CNTN1: variants seen among roughly 807,000 people sequenced by gnomAD.
The protein encoded by CNTN1 is contactin 1.
In CNTN1, 38 loss-of-function variants were observed where a neutral mutation model predicts 126.4. The observed-to-expected ratio is 0.30, with a 90% confidence interval of 0.23 to 0.39. The LOEUF (loss-of-function observed/expected upper bound fraction) is 0.39, where lower values mean the gene tolerates loss of function less well. CNTN1 is among the 10% of genes least tolerant of loss of function. CNTN1 has a pLI of 1.00. For synonymous variants in CNTN1, 413 were observed against 422.6 expected, an observed-to-expected ratio of 0.98 and a Z score of 0.28; for missense variants, 1,009 against 1,248.4, an observed-to-expected ratio of 0.81 and a Z score of 2.89.
intron 16 of CNTN1, among the ~76,000 whole-genome samples, chr12:40,987,747 AAATTAAATTGT>A (rs1351203471): frequency 6.6e-6 from 1 of 152,184 alleles, no homozygotes; most frequent in African/African-American, 2.4e-5. Context: ...AGATATTTGT[AAATTAAATTGT>A]TGAGTGTAAA....
chr12:41,062,888 T>C (rs1420061083), intron 23 of CNTN1, among the ~76,000 whole-genome samples: 2 of 152,174 alleles, frequency 1.3e-5, no homozygotes, highest in Non-Finnish European at 2.9e-5. Context: ...AGCAATCCAA[T>C]GGAGAAACAA....
intron 1 of CNTN1, among the ~76,000 whole-genome samples, chr12:40,693,085 G>A (rs890257877): frequency 2.6e-5 from 4 of 152,196 alleles, no homozygotes; most frequent in African/African-American, 9.7e-5. Flanking sequence ...TGCGGAGAGG[G>A]GAGGAAGCGA....
chr12:40,751,896 T>C (rs142351448), intron 1 of CNTN1, among the ~76,000 whole-genome samples: 78 of 152,234 alleles, frequency 5.1e-4, no homozygotes, highest in Middle Eastern at 3.4e-3. Context: ...AAGAAGGTGC[T>C]AATTGACAAA....
intron 23 of CNTN1, among the ~76,000 whole-genome samples, chr12:41,057,670 A>C (rs1426383662): frequency 6.6e-6 from 1 of 152,066 alleles, no homozygotes; most frequent in Non-Finnish European, 1.5e-5. Context: ...AAAGGTAGAG[A>C]GGTATGATTG....
rs570123889 is a variant in CNTN1 at position 41,070,582 on chromosome 12, G to A, written c.*547G>A. On this transcript the variant is annotated 3_prime_UTR_variant, in exon 24 of 24. Transcript: ENST00000551295. ...GACAATAGAGTGTAACAAATATTTT[G>A]TCAGAAATCCCATTATCAAATCATG... is the stretch of plus-strand genomic sequence containing the variant. 1 of 152,368 alleles carries A rather than the reference G, an allele frequency of 6.6e-6. No homozygotes were observed. Among genetic ancestry groups the A allele is most frequent in the African/African-American group, 2.4e-5 (1 of 41,398 alleles). 9.4% of individuals were successfully genotyped at this position (152,368 alleles called of 1,614,324 possible).
intron 1 of CNTN1, among the ~76,000 whole-genome samples, chr12:40,833,521 A>G (rs925575566): frequency 6.6e-6 from 1 of 152,190 alleles, no homozygotes; most frequent in African/African-American, 2.4e-5. Context: ...TAACATAAAT[A>G]GAAATATTAT....
intron 1 of CNTN1, chr12:40,742,213 T>C (rs1425865621): frequency 6.6e-6 from 1 of 152,038 alleles, no homozygotes; most frequent in Admixed American, 6.6e-5. Context: ...AAAAAGAACT[T>C]CAGGAAAGTT....
chr12:40,939,423 A>T lies in CNTN1; in HGVS notation c.1317A>T (p.Lys439Asn). Residue 439 changes from lysine (K) to asparagine (N), a missense_variant, in exon 12 of 24, where the codon AAA becomes AAT. Lys to Asn is a moderately conservative substitution (Grantham distance 94). Transcript: ENST00000551295. The stretch of plus-strand genomic sequence containing the variant: ...GGGTGATAATTGAATGCAAACCTAA[A>T]GCTGCACCGAAACCAAAGTTTTCAT... ...GGRVIIECKP[K>N]AAPKPKFSWS... 1 of 1,613,954 alleles carries T rather than the reference A, an allele frequency of 6.2e-7. No homozygotes were observed. Among genetic ancestry groups the T allele is most frequent in the Non-Finnish European group, 8.5e-7 (1 of 1,179,942 alleles).
rs895399381 is a variant in CNTN1, at chr12:40,692,469, C to T, written c.-200C>T. On this transcript the variant is annotated 5_prime_UTR_variant, in exon 1 of 24. Transcript: ENST00000551295. ...TCTGCTGTCAAGTAGCCAGGGTGGG[C>T]TCCGCCGAGGCGAGGAGGGGCGCCG... 14 of 152,636 alleles carry T rather than the reference C, an allele frequency of 9.2e-5. No homozygotes were observed. The highest frequency in any genetic ancestry group is 7.3e-5 in the Non-Finnish European group (5 of 68,384). The allele number at this position is 152,636 out of a possible 1,614,324, so 9.5% of individuals were successfully genotyped here.
At chr12:41,055,248 T>A (rs1031022624) in intron 23 of CNTN1, among the ~76,000 whole-genome samples, 2 of 152,114 alleles carry the variant, frequency 1.3e-5, no homozygotes, top group Non-Finnish European at 2.9e-5. Flanking sequence ...TTATAAGCAG[T>A]GGCTTAGAAT....
intron 1 of CNTN1, among the ~76,000 whole-genome samples, chr12:40,725,923 A>G (rs904897781): frequency 6.6e-6 from 1 of 152,056 alleles, no homozygotes; most frequent in African/African-American, 2.4e-5. Context: ...AAAAAAAAAA[A>G]CAGCAAACAA....
chr12:40,718,930 T>C (rs1213500490), intron 1 of CNTN1, among the ~76,000 whole-genome samples: 1 of 152,166 alleles, frequency 6.6e-6, no homozygotes, highest in Non-Finnish European at 1.5e-5. Context: ...TAGAGAACAT[T>C]TTCCAAAGAT....
chr12:40,917,413 A>G (rs1945284756), intron 3 of CNTN1, among the ~76,000 whole-genome samples: 1 of 152,128 alleles, frequency 6.6e-6, no homozygotes, highest in African/African-American at 2.4e-5. Flanking sequence ...AAAGAGTGAT[A>G]TTGAGCTTTG....
chr12:40,894,271 C>G (rs1425155949), intron 1 of CNTN1, among the ~76,000 whole-genome samples: 1 of 152,130 alleles, frequency 6.6e-6, no homozygotes, highest in Non-Finnish European at 1.5e-5. Context: ...ACTGGCACTT[C>G]ACTGCATTGA....
chr12:40,841,224 G>A (rs547687765), intron 1 of CNTN1, among the ~76,000 whole-genome samples: 2 of 151,992 alleles, frequency 1.3e-5, no homozygotes, highest in East Asian at 3.9e-4. Flanking sequence ...AACCTACCAA[G>A]GTTAAATCAG....
chr12:40,729,441 G>A (rs1465390675), intron 1 of CNTN1: 1 of 160,816 alleles, frequency 6.2e-6, no homozygotes, highest in Non-Finnish European at 1.4e-5. Context: ...GGTTATGATG[G>A]GGACATGATT....
intron 1 of CNTN1, among the ~76,000 whole-genome samples, chr12:40,788,052 C>A (rs1011355304): frequency 2.6e-5 from 4 of 152,106 alleles, no homozygotes; most frequent in Non-Finnish European, 5.9e-5. Context: ...AGAATTCAAA[C>A]TCAGTCTTTT....
At chr12:40,945,330 G>A (rs1375135968) in intron 14 of CNTN1, among the ~76,000 whole-genome samples, 1 of 151,952 alleles carries the variant, frequency 6.6e-6, no homozygotes, top group African/African-American at 2.4e-5. Context: ...TATTTAAAGT[G>A]TATTTTATTT....
At chr12:40,772,441 T>C (rs911126517) in intron 1 of CNTN1, among the ~76,000 whole-genome samples, 3 of 151,952 alleles carry the variant, frequency 2.0e-5, no homozygotes, top group Non-Finnish European at 2.9e-5. Context: ...AGAATTAAAA[T>C]CTAATCTGGT....
Sources: allele counts gnomAD v4.1 joint callset (sites outside exome capture counted in the v4.1 genomes callset), GRCh38; gene constraint gnomAD v4.1.1; transcripts MANE v1.5; gene names NCBI Gene and HGNC (gene_info 2026-07-23, HGNC 2026-07-21).